Variants in TBC1D2B observed in about 807,000 individuals in gnomAD.
The protein encoded by TBC1D2B is TBC1 domain family member 2B.
Under a neutral mutation model 100.8 loss-of-function variants are expected in TBC1D2B, and 64 were observed. The ratio of observed to expected loss-of-function variants is 0.64; its 90% CI spans 0.52 to 0.78. TBC1D2B has a LOEUF of 0.78. TBC1D2B is among the 30% of genes least tolerant of loss of function. The probability of loss-of-function intolerance (pLI) is 0.00; values close to 1 mark genes in which losing one functional copy is unlikely to be tolerated. For synonymous variants in TBC1D2B, 480 were observed against 479.7 expected, an observed-to-expected ratio of 1.00 and a Z score of -0.01; for missense variants, 1,052 against 1,218.4, an observed-to-expected ratio of 0.86 and a Z score of 2.03.
At chr15:78,022,730 T>C (rs1416726713) in intron 6 of TBC1D2B, among the ~76,000 whole-genome samples, 2 of 152,030 alleles carry the variant, frequency 1.3e-5, no homozygotes, top group East Asian at 1.9e-4. Context: ...TTTTTTTGTA[T>C]AGAGACGGGG....
intron 6 of TBC1D2B, 83 bp from the exon 7 acceptor site, chr15:78,018,040 G>T: frequency 1.4e-6 from 1 of 690,310 alleles, no homozygotes; most frequent in South Asian, 2.1e-5. Context: ...GTAGCTTGCT[G>T]CTTCACCAAT....
At chr15:78,052,547 C>G (rs1032552277) in intron 2 of TBC1D2B, among the ~76,000 whole-genome samples, 20 of 152,168 alleles carry the variant, frequency 1.3e-4, no homozygotes, top group African/African-American at 4.8e-4. Flanking sequence ...CTCTGGCTCT[C>G]CAATCACAGC....
chr15:78,015,367 TGTATG>T (rs1210417703), intron 8 of TBC1D2B, among the ~76,000 whole-genome samples: 3 of 152,246 alleles, frequency 2.0e-5, no homozygotes, highest in Non-Finnish European at 2.9e-5. Context: ...TCTACTTCTT[TGTATG>T]TTTTAAATTT....
At position 78,073,833 on chromosome 15, in the gene TBC1D2B, G is replaced by A. The variant is rs117464280; in HGVS notation, c.360+3460C>T. ...AAAAATACAAAAATTAGCTGGGAGC[G>A]GTGGCACGCGCCTATAGTCCCTCAG... On this transcript the variant is annotated intron_variant, in intron 1 of 12. Coordinates refer to ENST00000300584, the MANE Select transcript of TBC1D2B (RefSeq NM_144572.2). 3.1e-3 allele frequency among the ~76,000 whole-genome samples: 466 copies of A among 151,802 alleles called. 2 individuals carry two copies. Among genetic ancestry groups the A allele is most frequent in the African/African-American group, 0.01 (417 of 41,430 alleles).
intron 4 of TBC1D2B, among the ~76,000 whole-genome samples, chr15:78,025,790 T>C (rs1268626181): frequency 2.6e-5 from 4 of 152,132 alleles, no homozygotes; most frequent in Non-Finnish European, 5.9e-5. Flanking sequence ...CCTCCCGAAG[T>C]GTTGGGATTA....
intron 12 of TBC1D2B, among the ~76,000 whole-genome samples, chr15:78,000,129 G>A (rs1205083231): frequency 1.3e-5 from 2 of 152,170 alleles, no homozygotes; most frequent in African/African-American, 2.4e-5. Context: ...GGAGCCTGCC[G>A]CCGCCTTGGC....
At position 78,077,367 on chromosome 15, in the gene TBC1D2B, C is replaced by T; in HGVS notation, c.286G>A (p.Glu96Lys). The T allele has an allele frequency of 2.6e-6, 4 of 1,540,744 alleles. No homozygotes were observed. Among genetic ancestry groups the T allele is most frequent in the Non-Finnish European group, 8.7e-7 (1 of 1,143,430 alleles). ...DACFSYQGPDEAAEPGTEPPA... is the reference protein window; with the variant it reads ...DACFSYQGPDKAAEPGTEPPA... ...GGCTCCGTGCCCGGCTCCGCCGCCTCGTCGGGGCCCTGGTAGCTGAAGCAG... is the reference window on the plus strand; with the variant it reads ...GGCTCCGTGCCCGGCTCCGCCGCCTTGTCGGGGCCCTGGTAGCTGAAGCAG... The change falls in exon 1 of 13, where the codon GAG (glutamate) becomes AAG (lysine). Residue 96 changes from glutamate (E) to lysine (K), a missense_variant. Glu to Lys is a moderately conservative substitution (Grantham distance 56). This residue lies in a region of TBC1D2B where 627 missense variants were observed against 646.1 expected (regional missense o/e 0.97). Transcript: ENST00000300584.
intron 1 of TBC1D2B, among the ~76,000 whole-genome samples, chr15:78,065,787 G>C (rs181019219): frequency 1.3e-5 from 2 of 152,264 alleles, no homozygotes; most frequent in Admixed American, 6.5e-5. Context: ...TGAAGTTTTA[G>C]GAAACGGAGT....
chr15:78,052,232 C>T (rs1413846942), intron 2 of TBC1D2B, among the ~76,000 whole-genome samples: 1 of 152,172 alleles, frequency 6.6e-6, no homozygotes, highest in Non-Finnish European at 1.5e-5. Flanking sequence ...AGTTCCTGGC[C>T]ATCCTCCAGG....
intron 3 of TBC1D2B, among the ~76,000 whole-genome samples, chr15:78,038,652 G>A (rs1318250909): frequency 6.6e-6 from 1 of 152,234 alleles, no homozygotes; most frequent in African/African-American, 2.4e-5. Flanking sequence ...CACAGGCACA[G>A]GATGCAGACA....
At chr15:78,039,552 C>T (rs1254090933) in intron 3 of TBC1D2B, among the ~76,000 whole-genome samples, 1 of 152,088 alleles carries the variant, frequency 6.6e-6, no homozygotes, top group African/African-American at 2.4e-5. Flanking sequence ...AGAAAGGCAC[C>T]CCATCCACCT....
At chr15:78,030,558 C>A (rs1302582923) in intron 3 of TBC1D2B, among the ~76,000 whole-genome samples, 1 of 152,070 alleles carries the variant, frequency 6.6e-6, no homozygotes, top group Non-Finnish European at 1.5e-5. Flanking sequence ...GATCTGCCCA[C>A]CTCGGCCTCC....
At position 78,001,646 on chromosome 15, in the gene TBC1D2B, T is replaced by A; in HGVS notation, c.2669A>T (p.Tyr890Phe). 6.2e-7 allele frequency: 1 copy of A among 1,609,036 alleles called. No homozygotes were observed. The highest frequency in any genetic ancestry group is 8.5e-7 in the Non-Finnish European group (1 of 1,177,688). ...AGCATCAAGGATAGTGCGAGTGAAG[T>A]AGCGGAGATACTTAAATATAGACAT... Reference protein sequence around the residue: ...DSMSIFKYLRYFTRTILDARK... With the variant: ...DSMSIFKYLRFFTRTILDARK... Residue 890 changes from tyrosine (Y) to phenylalanine (F), a missense_variant, in exon 12 of 13, where the codon TAC (tyrosine) becomes TTC (phenylalanine). Physicochemically the swap from Tyr to Phe is conservative, Grantham distance 22. Around this residue, in one of 4 missense-constraint regions of TBC1D2B, gnomAD observed 373 missense variants for 464.9 expected, o/e 0.80. Coordinates refer to ENST00000300584, the MANE Select transcript of TBC1D2B (RefSeq NM_144572.2).
intron 12 of TBC1D2B, among the ~76,000 whole-genome samples, chr15:78,000,555 C>T (rs1170124073): frequency 6.6e-6 from 1 of 152,266 alleles, no homozygotes; most frequent in Non-Finnish European, 1.5e-5. Flanking sequence ...AATCAGGGCA[C>T]TGTTGTTGGT....
At chr15:78,064,326 G>C (rs2141833860) in intron 1 of TBC1D2B, among the ~76,000 whole-genome samples, 1 of 152,246 alleles carries the variant, frequency 6.6e-6, no homozygotes, top group Middle Eastern at 3.4e-3. Context: ...CAAAGGGTCA[G>C]GTCCTACCAT....
intron 10 of TBC1D2B, among the ~76,000 whole-genome samples, chr15:78,005,006 A>C (rs754404743): frequency 3.9e-5 from 6 of 152,222 alleles, no homozygotes; most frequent in Non-Finnish European, 8.8e-5. Flanking sequence ...GGCTCACTGT[A>C]AGACCAGCTA....
At chr15:78,033,364 G>A (rs1445858743) in intron 3 of TBC1D2B, among the ~76,000 whole-genome samples, 1 of 152,120 alleles carries the variant, frequency 6.6e-6, no homozygotes, top group African/African-American at 2.4e-5. Context: ...AAACAATATA[G>A]GTAAGTCTCC....
rs114445373 is a variant in TBC1D2B, at chr15:78,016,163, G to T, written c.1775+383C>A. The stretch of plus-strand genomic sequence containing the variant: ...GTGCTTTCCCCAAAAATATATGGGG[G>T]GTGTGTGTGTGTGTAAGCTCAGTTC... On this transcript the variant is annotated intron_variant, in intron 8 of 12. Transcript: ENST00000300584. Among the ~76,000 whole-genome samples, 1,000 of 151,970 alleles carry T rather than the reference G, an allele frequency of 6.6e-3. 7 individuals are homozygous for T. The highest frequency in any genetic ancestry group is 0.017 in the African/African-American group (693 of 41,460).
At chr15:78,063,174 G>A (rs942694077) in intron 1 of TBC1D2B, among the ~76,000 whole-genome samples, 2 of 151,888 alleles carry the variant, frequency 1.3e-5, no homozygotes, top group Non-Finnish European at 2.9e-5. Context: ...AAGTACTCGT[G>A]TATCAACTGT....
Sources: allele counts gnomAD v4.1 joint callset (sites outside exome capture counted in the v4.1 genomes callset), GRCh38; gene constraint gnomAD v4.1.1; regional missense constraint gnomAD v4.1.1; transcripts MANE v1.5; gene names NCBI Gene and HGNC (gene_info 2026-07-23, HGNC 2026-07-21).